The following ANXA4 variants were observed in gnomAD, a reference collection of about 807,000 sequenced individuals.
ANXA4 encodes the protein annexin A4.
In ANXA4, 39 loss-of-function variants were observed where a neutral mutation model predicts 49.8. The ratio of observed to expected loss-of-function variants is 0.78; its 90% CI spans 0.61 to 1.02. ANXA4 has a LOEUF of 1.02. Ranked by LOEUF, ANXA4 falls within the 50% of genes least tolerant of loss-of-function variation. The probability of loss-of-function intolerance (pLI) is 0.00; values close to 1 mark genes in which losing one functional copy is unlikely to be tolerated. For synonymous variants in ANXA4, 134 were observed against 152.5 expected, an observed-to-expected ratio of 0.88 and a Z score of 0.89; for missense variants, 360 against 410.1, an observed-to-expected ratio of 0.88 and a Z score of 1.05.
At position 69,752,509 on chromosome 2, in the gene ANXA4, G is replaced by A. The variant is rs186284468; in HGVS notation, c.-47+10334G>A. Among the ~76,000 whole-genome samples the A allele has an allele frequency of 6.2e-3, 945 of 152,246 alleles. 14 individuals carry two copies. The highest frequency in any genetic ancestry group is 0.022 in the African/African-American group (894 of 41,522). ...GTCCAGACCTCCAATATTCATCTTC[G>A]ACATGGTCTCCTTCCCTGATTGACA... On this transcript the variant is annotated intron_variant, in intron 1 of 12. Transcript: ENST00000394295.
chr2:69,657,795 A>T (rs2105318005), intron 2 of ANXA4, among the ~76,000 whole-genome samples: 1 of 152,300 alleles, frequency 6.6e-6, no homozygotes, highest in South Asian at 2.1e-4. Flanking sequence ...ACAAATTTTG[A>T]TAAACACAAA....
At chr2:69,760,997 A>G (rs965910498) in intron 1 of ANXA4, among the ~76,000 whole-genome samples, 3 of 106,410 alleles carry the variant, frequency 2.8e-5, no homozygotes, top group African/African-American at 1.1e-4. Context: ...CCTCGTCTCT[A>G]TTAAATTAAT....
chr2:69,803,809 A>G (rs1035946036), intron 3 of ANXA4, among the ~76,000 whole-genome samples: 1 of 152,082 alleles, frequency 6.6e-6, no homozygotes, highest in African/African-American at 2.4e-5. Context: ...AATATGGAAG[A>G]GAGAGAGAGG....
intron 1 of ANXA4, 162 bp from the exon 2 acceptor site, chr2:69,781,358 A>G: frequency 1.6e-6 from 1 of 616,788 alleles, no homozygotes; most frequent in Non-Finnish European, 2.9e-6. Context: ...TTCTCTAATT[A>G]GCCCATTCCT....
At chr2:69,662,206 A>C (rs2704443) in intron 2 of ANXA4, among the ~76,000 whole-genome samples, 32,185 of 151,672 alleles carry the variant, frequency 0.21, 4,056 homozygotes, top group South Asian at 0.29. Context: ...CTGGCACTGT[A>C]AACTAGAGCA....
chr2:69,780,780 C>T (rs972583627), intron 1 of ANXA4, among the ~76,000 whole-genome samples: 1 of 152,068 alleles, frequency 6.6e-6, no homozygotes, highest in Admixed American at 6.6e-5. Context: ...GTTTATATGA[C>T]TTAGATATGG....
chr2:69,765,588 C>T (rs1671462953), intron 1 of ANXA4, among the ~76,000 whole-genome samples: 1 of 152,162 alleles, frequency 6.6e-6, no homozygotes, highest in South Asian at 2.1e-4. Context: ...ATCACTGGCC[C>T]CAGACAACCA....
At chr2:69,770,211 G>A (rs565352185) in intron 1 of ANXA4, among the ~76,000 whole-genome samples, 3 of 151,904 alleles carry the variant, frequency 2.0e-5, no homozygotes, top group Non-Finnish European at 2.9e-5. Flanking sequence ...CTCAAACCCC[G>A]TCACTGCAAT....
intron 1 of ANXA4, among the ~76,000 whole-genome samples, chr2:69,652,402 C>G (rs1011336373): frequency 1.3e-5 from 2 of 152,152 alleles, no homozygotes; most frequent in Non-Finnish European, 2.9e-5. Flanking sequence ...TTTACTCATC[C>G]TTAGATGAGC....
At chr2:69,759,482 T>G (rs1671187913) in intron 1 of ANXA4, among the ~76,000 whole-genome samples, 1 of 152,146 alleles carries the variant, frequency 6.6e-6, no homozygotes, top group African/African-American at 2.4e-5. Flanking sequence ...TCTCTAAAAT[T>G]CTATGAAAGT....
chr2:69,665,301 C>T (rs777452221), intron 2 of ANXA4, among the ~76,000 whole-genome samples: 11 of 151,980 alleles, frequency 7.2e-5, no homozygotes, highest in Non-Finnish European at 1.0e-4. Flanking sequence ...TGTTGAAGCC[C>T]GCAGCGGTTT....
At chr2:69,723,667 C>T (rs1669881413) in intron 3 of ANXA4, among the ~76,000 whole-genome samples, 1 of 152,210 alleles carries the variant, frequency 6.6e-6, no homozygotes, top group African/African-American at 2.4e-5. Flanking sequence ...GATGTCCAAT[C>T]CCACACTACA....
intron 6 of ANXA4, chr2:69,810,356 T>A (rs1673644430): frequency 2.1e-6 from 1 of 468,530 alleles, no homozygotes. Flanking sequence ...GGCAACAGAA[T>A]GAGACTCCAT....
At chr2:69,655,419 A>G (rs1257702730) in intron 2 of ANXA4, among the ~76,000 whole-genome samples, 1 of 152,240 alleles carries the variant, frequency 6.6e-6, no homozygotes, top group East Asian at 1.9e-4. Flanking sequence ...CAAAAAACAT[A>G]TGAAAAAAAG....
intron 1 of ANXA4, among the ~76,000 whole-genome samples, chr2:69,772,788 G>A (rs1573229205): frequency 6.6e-6 from 1 of 152,142 alleles, no homozygotes; most frequent in Admixed American, 6.5e-5. Context: ...GGAGGCCGAG[G>A]CGGGCAGATC....
chr2:69,757,495 G>C lies in ANXA4; in HGVS notation c.-47+15320G>C, dbSNP rs1309509460. On this transcript the variant is annotated intron_variant, in intron 1 of 12. Coordinates refer to ENST00000394295, the MANE Select transcript of ANXA4 (RefSeq NM_001153.5). The stretch of plus-strand genomic sequence containing the variant: ...TCACCATGTTAGCCAAGATGGTCTC[G>C]ATCTCCTGACCTCGTCATCCGCCTG... Among the ~76,000 whole-genome samples, 30 of 141,926 alleles carry C rather than the reference G, an allele frequency of 2.1e-4. No individual in the cohort carries two copies. In the East Asian group the frequency reaches 4.6e-3, roughly 22 times the overall value. 93.1% of individuals were successfully genotyped at this position (141,926 alleles called of 152,430 possible). A position where few individuals can be genotyped will look rare whatever the true frequency, so the allele number is the denominator to read the frequency against.
chr2:69,693,325 A>T (rs1457985603), intron 2 of ANXA4, among the ~76,000 whole-genome samples: 1 of 152,004 alleles, frequency 6.6e-6, no homozygotes, highest in Non-Finnish European at 1.5e-5. Context: ...ATGGAAGGGG[A>T]GAAGGGAAGG....
chr2:69,764,173 A>G (rs1377822064), intron 1 of ANXA4, among the ~76,000 whole-genome samples: 1 of 152,192 alleles, frequency 6.6e-6, no homozygotes. Context: ...ATCAATGCCA[A>G]TAGTTTGTGA....
chr2:69,688,529 T>A (rs1677866824), intron 2 of ANXA4, among the ~76,000 whole-genome samples: 1 of 152,194 alleles, frequency 6.6e-6, no homozygotes, highest in Non-Finnish European at 1.5e-5. Flanking sequence ...CTGGAATACT[T>A]TTATAAAGAG....
Sources: gnomAD v4.1 joint callset for allele counts (sites outside exome capture counted in the v4.1 genomes callset) on GRCh38, gnomAD v4.1.1 for gene constraint, MANE v1.5 for transcripts, NCBI Gene and HGNC (gene_info 2026-07-23, HGNC 2026-07-21) for gene names.